GUF1: variants seen among roughly 807,000 people sequenced by gnomAD.
The protein encoded by GUF1 is translation factor GUF1, mitochondrial.
In GUF1, 78 loss-of-function variants were observed where a neutral mutation model predicts 82.4. That is an observed-to-expected ratio of 0.95 (90% CI 0.79 to 1.14). GUF1 has a LOEUF of 1.14. Ranked by LOEUF, GUF1 falls within the 50% of genes most tolerant of loss-of-function variation. The pLI is 0.00. For missense variants in GUF1, 814 were observed against 798.2 expected (o/e 1.02, Z -0.24); for synonymous variants, 279 against 282.3 (o/e 0.99, Z 0.12).
chr4:44,683,895 C>A (rs535303693), intron 6 of GUF1, among the ~76,000 whole-genome samples: 1 of 152,190 alleles, frequency 6.6e-6, no homozygotes, highest in African/African-American at 2.4e-5. Flanking sequence ...TAAAGTATGT[C>A]AGCACAGCAA....
rs895388198 is a variant in GUF1, at chr4:44,699,338, A to C, written c.*657A>C. On this transcript the variant is annotated 3_prime_UTR_variant, in exon 17 of 17. Coordinates refer to ENST00000281543, the MANE Select transcript of GUF1 (RefSeq NM_021927.3). ...GCCTCCATTACAGGCGTGCACCACC[A>C]TGCTCGGCTAATTTTTTGTATCTTT... 6.6e-6 allele frequency: 1 copy of C among 152,220 alleles called. No homozygotes were observed. The highest frequency in any genetic ancestry group is 1.5e-5 in the Non-Finnish European group (1 of 68,142). The allele number at this position is 152,220 out of a possible 1,614,324, so 9.4% of individuals were successfully genotyped here.
In GUF1 at chr4:44,687,590, G is replaced by A. The variant is rs116410497; in HGVS notation, c.939-417G>A. Among the ~76,000 whole-genome samples the A allele has an allele frequency of 4.3e-3, 648 of 151,762 alleles. 3 individuals are homozygous for A. The highest frequency in any genetic ancestry group is 0.014 in the African/African-American group (591 of 41,430). Reference sequence around the variant, plus strand: ...AGGAATATCAAGTGTCCAGTTTGTTGAGAGTTCACATTTTTCTTGGATAAA... The same window carrying A: ...AGGAATATCAAGTGTCCAGTTTGTTAAGAGTTCACATTTTTCTTGGATAAA... On this transcript the variant is annotated intron_variant, in intron 8 of 16. Coordinates refer to ENST00000281543, the MANE Select transcript of GUF1 (RefSeq NM_021927.3).
chr4:44,685,736 G>A (rs971633110), intron 6 of GUF1, among the ~76,000 whole-genome samples: 3 of 151,922 alleles, frequency 2.0e-5, no homozygotes, highest in Admixed American at 6.6e-5. Context: ...CCATAATTAG[G>A]ACTCTCTTGT....
At chr4:44,690,019 G>C in intron 11 of GUF1, 44 bp downstream of exon 11, 1 of 1,436,638 alleles carries the variant, frequency 7.0e-7, no homozygotes, top group Non-Finnish European at 9.3e-7. Flanking sequence ...TTTTGCATTA[G>C]TCTCTTGGAA....
intron 8 of GUF1, 43 bp downstream of exon 8, chr4:44,686,756 G>C: frequency 7.6e-7 from 1 of 1,312,876 alleles, no homozygotes; most frequent in Non-Finnish European, 1.1e-6. Context: ...ATTTGTATGT[G>C]GTTCTATTTC....
At position 44,695,750 on chromosome 4, in the gene GUF1, T is replaced by A; in HGVS notation, c.1835+16T>A. 1 of 1,604,748 alleles carries A rather than the reference T, an allele frequency of 6.2e-7. No individual in the cohort carries two copies. Among genetic ancestry groups the A allele is most frequent in the African/African-American group, 1.3e-5 (1 of 74,504 alleles). Reference sequence around the variant, plus strand: ...CAAGAGAAACGTGAGTTGAAATTCATTTTTGGTCTTGAGCCAGTTTCAGAA... The same window carrying A: ...CAAGAGAAACGTGAGTTGAAATTCAATTTTGGTCTTGAGCCAGTTTCAGAA... On this transcript the variant is annotated intron_variant, in intron 15 of 16. Transcript: ENST00000281543.
rs751332885 is a variant in GUF1 at position 44,682,431 on chromosome 4, A to G, written c.585+20A>G. 7.4e-7 allele frequency: 1 copy of G among 1,354,024 alleles called. No individual in the cohort carries two copies. The highest frequency in any genetic ancestry group is 1.5e-5 in the South Asian group (1 of 67,352). The allele number at this position is 1,354,024 out of a possible 1,614,324, so 83.9% of individuals were successfully genotyped here. On this transcript the variant is annotated intron_variant, in intron 5 of 16. Coordinates refer to ENST00000281543, the MANE Select transcript of GUF1 (RefSeq NM_021927.3). Reference sequence around the variant, plus strand: ...AATAAGGTAATTACAATGAGACAACAGTGTTGCTATTTCACTTTCTAAAAG... The same window carrying G: ...AATAAGGTAATTACAATGAGACAACGGTGTTGCTATTTCACTTTCTAAAAG...
At chr4:44,689,491 T>G in intron 10 of GUF1, 82 bp downstream of exon 10, 1 of 1,371,288 alleles carries the variant, frequency 7.3e-7, no homozygotes, top group Non-Finnish European at 9.7e-7. Flanking sequence ...GAAAGGGAGG[T>G]TTTTAAAAAA....
chr4:44,682,253 G>C, intron 4 of GUF1, 81 bp from the exon 5 acceptor site: 1 of 646,710 alleles, frequency 1.5e-6, no homozygotes, highest in South Asian at 3.3e-5. Context: ...TGATGAAGAT[G>C]TATAGAATGG....
chr4:44,689,755 C>A (rs1214153413), intron 10 of GUF1, 88 bp from the exon 11 acceptor site: 9 of 1,091,802 alleles, frequency 8.2e-6, no homozygotes, highest in Non-Finnish European at 1.1e-5. Context: ...TCCATCCCTC[C>A]CTTAAAGTAA....
At chr4:44,697,354 CT>C in intron 15 of GUF1, 53 bp from the exon 16 acceptor site, 1 of 1,096,174 alleles carries the variant, frequency 9.1e-7, no homozygotes, top group East Asian at 2.6e-5. Flanking sequence ...TAAGGAAGTG[CT>C]TTTAAACAGT....
intron 16 of GUF1, 36 bp downstream of exon 16, chr4:44,697,480 T>C: frequency 8.8e-7 from 1 of 1,134,162 alleles, no homozygotes; most frequent in Non-Finnish European, 1.3e-6. Context: ...ACTTTATAAC[T>C]TTTATGGGCT....
At chr4:44,683,116 T>A in intron 5 of GUF1, 119 bp from the exon 6 acceptor site, 1 of 540,786 alleles carries the variant, frequency 1.8e-6, no homozygotes, top group Non-Finnish European at 3.2e-6. Flanking sequence ...TTTGAAAAAA[T>A]ATTGTAGAGG....
At chr4:44,678,903 G>A (rs1560338887) in intron 1 of GUF1, 116 bp downstream of exon 1, 1 of 1,048,298 alleles carries the variant, frequency 9.5e-7, no homozygotes, top group Non-Finnish European at 1.3e-6. Flanking sequence ...TTGCAACTTG[G>A]TACAGGGAGG....
chr4:44,684,128 A>G (rs1455764862), intron 6 of GUF1, among the ~76,000 whole-genome samples: 1 of 152,120 alleles, frequency 6.6e-6, no homozygotes, highest in African/African-American at 2.4e-5. Context: ...ATAAGTAAAC[A>G]AAGAAGTAAG....
At chr4:44,691,949 A>G in intron 13 of GUF1, 150 bp downstream of exon 13, 1 of 579,902 alleles carries the variant, frequency 1.7e-6, no homozygotes, top group Non-Finnish European at 2.9e-6. Flanking sequence ...ACTTGGAACA[A>G]CTTTATAGGT....
chr4:44,689,472 T>C, intron 10 of GUF1, 63 bp downstream of exon 10: 4 of 1,458,942 alleles, frequency 2.7e-6, no homozygotes, highest in Admixed American at 2.4e-5. Flanking sequence ...TTTAAAAATA[T>C]TTTTATAGGA....
chr4:44,686,508 A>C lies in GUF1; in HGVS notation c.735-2A>C, dbSNP rs749331071. 1.9e-6 allele frequency: 3 copies of C among 1,582,406 alleles called. No homozygotes were observed. In the African/African-American group the frequency reaches 4.0e-5, roughly 21 times the overall value. ...TATTTACTTTTTACTTATATTTACTAGTCCTAAAGTGCATCGCAAAAATCC... is the reference window on the plus strand; with the variant it reads ...TATTTACTTTTTACTTATATTTACTCGTCCTAAAGTGCATCGCAAAAATCC... On this transcript the variant is annotated splice_acceptor_variant, in intron 7 of 16. Coordinates refer to ENST00000281543, the MANE Select transcript of GUF1 (RefSeq NM_021927.3). LOFTEE classifies it high-confidence loss of function.
chr4:44,694,815 G>GTT (rs57336361), intron 14 of GUF1, among the ~76,000 whole-genome samples: 9 of 147,728 alleles, frequency 6.1e-5, no homozygotes, highest in Non-Finnish European at 9.0e-5. Context: ...GTTTTGTTTT[G>GTT]TTTTTTTTTT....
Sources: gnomAD v4.1 joint callset for allele counts (sites outside exome capture counted in the v4.1 genomes callset) on GRCh38, gnomAD v4.1.1 for gene constraint, MANE v1.5 for transcripts, NCBI Gene and HGNC (gene_info 2026-07-23, HGNC 2026-07-21) for gene names.